The following HLTF variants were observed in gnomAD, a reference collection of about 807,000 sequenced individuals.
The protein encoded by HLTF is DNA-dependent ATPase/E3 ubiquitin-protein ligase HLTF.
Under a neutral mutation model 129.4 loss-of-function variants are expected in HLTF, and 127 were observed. The observed-to-expected ratio is 0.98, with a 90% confidence interval of 0.85 to 1.14. The LOEUF (loss-of-function observed/expected upper bound fraction) is 1.14. Among genes scored for constraint, HLTF ranks in the 50% most tolerant of loss-of-function variants. The pLI is 0.00. For missense variants in HLTF, 1,139 were observed against 1,187.1 expected (o/e 0.96, Z 0.60); for synonymous variants, 332 against 388.8 (o/e 0.85, Z 1.72).
rs534659694 is a variant in HLTF, at chr3:149,037,585, C to A, written c.2796+1464G>T. Among the ~76,000 whole-genome samples the A allele has an allele frequency of 7.2e-5, 11 of 152,194 alleles. No homozygotes were observed. In the South Asian group the frequency reaches 2.3e-3, roughly 32 times the overall value. ...ATAATCTTACTGAGAAGGATACCGT[C>A]AGTTGAGGGAGGAAAAAGGAAGCCT... On this transcript the variant is annotated intron_variant, in intron 23 of 24. Coordinates refer to ENST00000310053, the MANE Select transcript of HLTF (RefSeq NM_003071.4).
chr3:149,041,761 G>T, intron 19 of HLTF, 93 bp from the exon 20 acceptor site: 1 of 848,186 alleles, frequency 1.2e-6, no homozygotes, highest in Non-Finnish European at 1.8e-6. Flanking sequence ...TTGCCAGTAG[G>T]GAAAGTCTCT....
At chr3:149,061,327 C>T (rs983788682) in intron 10 of HLTF, among the ~76,000 whole-genome samples, 1 of 151,780 alleles carries the variant, frequency 6.6e-6, no homozygotes, top group African/African-American at 2.4e-5. Flanking sequence ...AGGAGAATGA[C>T]GTGAAGCCAG....
chr3:149,039,451 T>TA (rs1442726252), intron 22 of HLTF, 130 bp downstream of exon 22: 32 of 609,572 alleles, frequency 5.2e-5, no homozygotes, highest in Non-Finnish European at 7.7e-5. Context: ...TTCTCTATTG[T>TA]GACTCTGAAT....
intron 2 of HLTF, among the ~76,000 whole-genome samples, chr3:149,081,738 G>T (rs1364924168): frequency 6.6e-6 from 1 of 152,068 alleles, no homozygotes; most frequent in Non-Finnish European, 1.5e-5. Context: ...TCAGAGTAAA[G>T]GGTACTGAAA....
rs1352560155 is a variant in HLTF at position 149,048,921 on chromosome 3, AT to A, written c.1697del (p.Asn566MetfsTer11). On this transcript the variant is annotated frameshift_variant, in exon 16 of 25. Transcript: ENST00000310053. LOFTEE classifies it high-confidence loss of function. ...LDEGHAIRNP[N>X]AQQTKAVLDL... ...CAAGTACAGCTTTTGTCTGCTGAGC[AT>A]TTGGATTTCGTATGGCATGTCCTTC... 1 of 1,613,182 alleles carries A rather than the reference AT, an allele frequency of 6.2e-7. No homozygotes were observed. The highest frequency in any genetic ancestry group is 1.7e-5 in the Admixed American group (1 of 59,988).
Position 149,048,048 on chromosome 3 carries a change from C to G in HLTF, c.1872G>C (p.Met624Ile). ...WHRTIQRPVT[M>I]GDEGGLRRLQ... ...CTTACCTAAGTCCTCCTTCATCTCC[C>G]ATTGTGACAGGACGCTGTATTGTTC... The change falls in exon 17 of 25, where the codon ATG becomes ATC. Residue 624 changes from methionine to isoleucine, a missense_variant. Transcript: ENST00000310053. 6.2e-7 allele frequency: 1 copy of G among 1,603,400 alleles called. No homozygotes were observed. The highest frequency in any genetic ancestry group is 8.5e-7 in the Non-Finnish European group (1 of 1,176,222).
intron 4 of HLTF, 31 bp from the exon 5 acceptor site, chr3:149,073,353 C>T: frequency 6.9e-7 from 1 of 1,454,282 alleles, no homozygotes; most frequent in South Asian, 1.2e-5. Context: ...AGAATAAAGC[C>T]ATCAAATAAA....
At chr3:149,068,142 G>GA in intron 8 of HLTF, 98 bp downstream of exon 8, 1 of 595,290 alleles carries the variant, frequency 1.7e-6, no homozygotes. Context: ...TCGCATTTCT[G>GA]AAAACACAAT....
chr3:149,062,436 CAG>C (rs1252356260), intron 10 of HLTF, among the ~76,000 whole-genome samples: 1 of 152,154 alleles, frequency 6.6e-6, no homozygotes, highest in Non-Finnish European at 1.5e-5. Flanking sequence ...CTATTAATGA[CAG>C]AACAATTAAC....
intron 13 of HLTF, among the ~76,000 whole-genome samples, chr3:149,057,026 G>A (rs181494034): frequency 0.018 from 2,502 of 141,492 alleles, 80 homozygotes; most frequent in African/African-American, 0.062. Flanking sequence ...GGAGAATGGC[G>A]TGAACCCCAG....
At chr3:149,050,741 A>C (rs554015850) in intron 14 of HLTF, among the ~76,000 whole-genome samples, 6 of 152,296 alleles carry the variant, frequency 3.9e-5, no homozygotes, top group Non-Finnish European at 7.4e-5. Context: ...AAAGAACAAC[A>C]ACCAATATTT....
At chr3:149,033,230 C>T (rs1278993524) in intron 24 of HLTF, among the ~76,000 whole-genome samples, 2 of 152,008 alleles carry the variant, frequency 1.3e-5, no homozygotes, top group African/African-American at 4.8e-5. Flanking sequence ...CCAATTACTG[C>T]AATAACTAAA....
chr3:149,080,289 G>T (rs564188035), intron 2 of HLTF, among the ~76,000 whole-genome samples: 1 of 152,106 alleles, frequency 6.6e-6, no homozygotes, highest in Non-Finnish European at 1.5e-5. Flanking sequence ...GCACAACCTT[G>T]TGAGTATTCT....
chr3:149,074,115 T>C (rs1418462269), intron 4 of HLTF, 100 bp downstream of exon 4: 3 of 1,217,430 alleles, frequency 2.5e-6, no homozygotes, highest in African/African-American at 1.5e-5. Flanking sequence ...CTTGGAGCCT[T>C]GAGCACAAAT....
intron 24 of HLTF, among the ~76,000 whole-genome samples, chr3:149,033,367 CAATA>C (rs1715297104): frequency 7.3e-6 from 1 of 136,862 alleles, no homozygotes; most frequent in South Asian, 2.3e-4. Context: ...ATAATAAATT[CAATA>C]AATCTCAAGA....
intron 1 of HLTF, among the ~76,000 whole-genome samples, 198 bp from the exon 2 acceptor site, chr3:149,085,087 T>C (rs961641087): frequency 2.6e-5 from 4 of 152,244 alleles, no homozygotes; most frequent in Non-Finnish European, 4.4e-5. Context: ...GTTTTCAATA[T>C]TGGCTCTTCT....
At chr3:149,076,556 G>T (rs1020580412) in intron 2 of HLTF, among the ~76,000 whole-genome samples, 2 of 152,302 alleles carry the variant, frequency 1.3e-5, no homozygotes, top group East Asian at 3.9e-4. Context: ...CCCACACAGG[G>T]TGGTTCCTGA....
At chr3:149,081,780 C>CA (rs1021319979) in intron 2 of HLTF, among the ~76,000 whole-genome samples, 9 of 151,770 alleles carry the variant, frequency 5.9e-5, no homozygotes, top group South Asian at 2.1e-4. Flanking sequence ...TTAAAACAAC[C>CA]AAAAAAATGG....
At chr3:149,079,572 G>T (rs1288456608) in intron 2 of HLTF, among the ~76,000 whole-genome samples, 2 of 151,574 alleles carry the variant, frequency 1.3e-5, no homozygotes, top group African/African-American at 4.9e-5. Flanking sequence ...ATGGAGCTGT[G>T]AGCAAAGGTT....
Sources: allele counts gnomAD v4.1 joint callset (sites outside exome capture counted in the v4.1 genomes callset), GRCh38; gene constraint gnomAD v4.1.1; transcripts MANE v1.5; gene names NCBI Gene and HGNC (gene_info 2026-07-23, HGNC 2026-07-21).